The following EXOC6B variants were observed in gnomAD, a reference collection of about 807,000 sequenced individuals.
The protein encoded by EXOC6B is exocyst complex component 6B.
EXOC6B carries 54 observed loss-of-function variants against 113.5 expected under a neutral mutation model. The observed-to-expected ratio is 0.48, with a 90% confidence interval of 0.38 to 0.60. The LOEUF (loss-of-function observed/expected upper bound fraction) is 0.60. Ranked by LOEUF, EXOC6B falls within the 20% of genes least tolerant of loss-of-function variation. EXOC6B has a pLI of 0.00. For missense variants in EXOC6B, 797 were observed against 977.5 expected (o/e 0.82, Z 2.46); for synonymous variants, 357 against 339.0 (o/e 1.05, Z -0.58).
At position 72,248,525 on chromosome 2, in the gene EXOC6B, T is replaced by C. The variant is rs139384562; in HGVS notation, c.2197-64338A>G. On this transcript the variant is annotated intron_variant, in intron 20 of 21. Transcript: ENST00000272427. Reference sequence around the variant, plus strand: ...TGAAATTGATTCAGCTTCCTGAATATCCACAAAGTTTTCCACCAAGACATC... The same window carrying C: ...TGAAATTGATTCAGCTTCCTGAATACCCACAAAGTTTTCCACCAAGACATC... Among the ~76,000 whole-genome samples, 572 of 152,242 alleles carry C rather than the reference T, an allele frequency of 3.8e-3. 4 individuals carry two copies. Among genetic ancestry groups the C allele is most frequent in the African/African-American group, 0.013 (543 of 41,536 alleles).
chr2:72,483,302 A>G lies in EXOC6B; in HGVS notation c.1666-2552T>C, dbSNP rs191222688. ...TCAGAAAATTAAGAGAGTTAATCTGAGAACTGAAAAATTTCTATTTTAAAA... is the reference window on the plus strand; with the variant it reads ...TCAGAAAATTAAGAGAGTTAATCTGGGAACTGAAAAATTTCTATTTTAAAA... On this transcript the variant is annotated intron_variant, in intron 16 of 21. Transcript: ENST00000272427. Among the ~76,000 whole-genome samples the G allele has an allele frequency of 4.3e-4, 66 of 152,346 alleles. 1 individual carries two copies. The East Asian group carries it at 0.012, about 27-fold the overall frequency.
At chr2:72,319,417 A>G (rs564376901) in intron 20 of EXOC6B, among the ~76,000 whole-genome samples, 5 of 152,170 alleles carry the variant, frequency 3.3e-5, no homozygotes, top group Non-Finnish European at 7.4e-5. Flanking sequence ...ACCAAAAAAC[A>G]AAAGGTATCT....
chr2:72,353,738 G>T (rs1457946264), intron 19 of EXOC6B, among the ~76,000 whole-genome samples: 2 of 151,926 alleles, frequency 1.3e-5, no homozygotes, highest in African/African-American at 4.8e-5. Context: ...CAGTAAAAAG[G>T]CTTTGGAAAT....
intron 18 of EXOC6B, among the ~76,000 whole-genome samples, chr2:72,454,591 A>AATTCTAGATTCTAG (rs1251197590): frequency 2.0e-5 from 3 of 152,280 alleles, no homozygotes; most frequent in South Asian, 4.1e-4. Context: ...CAGTATGTTA[A>AATTCTAGATTCTAG]ATTCTAGATT....
At chr2:72,429,951 CTGTT>C (rs1695426458) in intron 18 of EXOC6B, among the ~76,000 whole-genome samples, 1 of 152,150 alleles carries the variant, frequency 6.6e-6, no homozygotes, top group Non-Finnish European at 1.5e-5. Context: ...GGAAATGACA[CTGTT>C]TGGGATGATA....
At chr2:72,762,242 C>CA (rs557776288) in intron 1 of EXOC6B, among the ~76,000 whole-genome samples, 7,486 of 60,574 alleles carry the variant, frequency 0.12, 236 homozygotes, top group Middle Eastern at 0.23. Flanking sequence ...GACTCCGTCT[C>CA]AAAAAAAAAA....
At chr2:72,763,859 T>C (rs957491184) in intron 1 of EXOC6B, among the ~76,000 whole-genome samples, 5 of 152,044 alleles carry the variant, frequency 3.3e-5, no homozygotes, top group African/African-American at 4.8e-5. Context: ...GGCAGGCAGA[T>C]TGCTTGAGCC....
chr2:72,436,540 A>G (rs1169898352), intron 18 of EXOC6B, among the ~76,000 whole-genome samples: 1 of 151,988 alleles, frequency 6.6e-6, no homozygotes, highest in Non-Finnish European at 1.5e-5. Context: ...TACATCAATC[A>G]ATCATAGATT....
rs201432418 is a variant in EXOC6B, at chr2:72,560,842, T to TA, written c.847-1322dup. Among the ~76,000 whole-genome samples, 344 of 139,558 alleles carry TA rather than the reference T, an allele frequency of 2.5e-3. 1 individual carries two copies. The East Asian group carries it at 0.04, about 16-fold the overall frequency. 91.6% of individuals were successfully genotyped at this position (139,558 alleles called of 152,430 possible). A position where few individuals can be genotyped will look rare whatever the true frequency, so the allele number is the denominator to read the frequency against. ...CCATGGTCCAAGAATAACTTTACTTTAAAAAAAAAAAAAAGTTTAAGAAGA... is the reference window on the plus strand; with the variant it reads ...CCATGGTCCAAGAATAACTTTACTTTAAAAAAAAAAAAAAAGTTTAAGAAGA... On this transcript the variant is annotated intron_variant, in intron 7 of 21. Transcript: ENST00000272427.
intron 6 of EXOC6B, among the ~76,000 whole-genome samples, chr2:72,681,377 T>A (rs1676692651): frequency 6.6e-6 from 1 of 152,216 alleles, no homozygotes; most frequent in African/African-American, 2.4e-5. Flanking sequence ...TATGGTATCA[T>A]ACTATAATCA....
At position 72,338,852 on chromosome 2, in the gene EXOC6B, A is replaced by G. The variant is rs963611514; in HGVS notation, c.2123-3832T>C. 1.2e-4 allele frequency among the ~76,000 whole-genome samples: 19 copies of G among 152,004 alleles called. No homozygotes were observed. In the South Asian group the frequency reaches 1.5e-3, roughly 12 times the overall value. ...TTTTTTTTCTTCTTTATATTTTATAAACTTTGAAAATAAATACAGACCACT... is the reference window on the plus strand; with the variant it reads ...TTTTTTTTCTTCTTTATATTTTATAGACTTTGAAAATAAATACAGACCACT... On this transcript the variant is annotated intron_variant, in intron 19 of 21. Coordinates refer to ENST00000272427, the MANE Select transcript of EXOC6B (RefSeq NM_015189.3).
intron 7 of EXOC6B, among the ~76,000 whole-genome samples, chr2:72,565,745 T>C (rs1704133716): frequency 6.6e-6 from 1 of 152,118 alleles, no homozygotes; most frequent in African/African-American, 2.4e-5. Flanking sequence ...CAAAGAGATA[T>C]GTTTCTTATC....
intron 6 of EXOC6B, among the ~76,000 whole-genome samples, chr2:72,715,781 T>C (rs531302454): frequency 6.6e-6 from 1 of 152,262 alleles, no homozygotes; most frequent in South Asian, 2.1e-4. Flanking sequence ...GCAGATAACT[T>C]GCAATTTTAG....
At position 72,813,318 on chromosome 2, in the gene EXOC6B, G is replaced by A. The variant is rs1686026227; in HGVS notation, c.113+12480C>T. On this transcript the variant is annotated intron_variant, in intron 1 of 21. Coordinates refer to ENST00000272427, the MANE Select transcript of EXOC6B (RefSeq NM_015189.3). The stretch of plus-strand genomic sequence containing the variant: ...TGCCTAGGCTGGTCTCAAACTCCTG[G>A]GCTCAAGTGATCCTCCTGCTCAGCC... 2.6e-5 allele frequency among the ~76,000 whole-genome samples: 4 copies of A among 152,104 alleles called. No individual in the cohort carries two copies. In the South Asian group the frequency reaches 8.3e-4, roughly 32 times the overall value.
chr2:72,822,371 C>G (rs953547914), intron 1 of EXOC6B, among the ~76,000 whole-genome samples: 1 of 152,148 alleles, frequency 6.6e-6, no homozygotes, highest in African/African-American at 2.4e-5. Context: ...AGGCAACACC[C>G]TCTTTATGTG....
At chr2:72,507,645 C>A (rs181904086) in intron 11 of EXOC6B, among the ~76,000 whole-genome samples, 3 of 152,042 alleles carry the variant, frequency 2.0e-5, no homozygotes, top group Non-Finnish European at 4.4e-5. Flanking sequence ...CCCTAAGCAA[C>A]CACTAGTCTA....
At chr2:72,544,433 C>A (rs550794755) in intron 8 of EXOC6B, among the ~76,000 whole-genome samples, 7 of 152,022 alleles carry the variant, frequency 4.6e-5, no homozygotes, top group African/African-American at 1.7e-4. Context: ...CTCATCAGGT[C>A]TCTTACAAAG....
At chr2:72,312,709 C>T (rs1033332476) in intron 20 of EXOC6B, among the ~76,000 whole-genome samples, 5 of 150,456 alleles carry the variant, frequency 3.3e-5, no homozygotes, top group Non-Finnish European at 7.4e-5. Flanking sequence ...GAGCTGCGAT[C>T]GCGCCATTGC....
intron 20 of EXOC6B, among the ~76,000 whole-genome samples, chr2:72,248,431 A>C (rs570725797): frequency 9.9e-5 from 15 of 152,236 alleles, no homozygotes; most frequent in Non-Finnish European, 1.9e-4. Flanking sequence ...CTTTAGCTTA[A>C]ATTTATCCCA....
Sources: gnomAD v4.1 joint callset for allele counts (sites outside exome capture counted in the v4.1 genomes callset) on GRCh38, gnomAD v4.1.1 for gene constraint, MANE v1.5 for transcripts, NCBI Gene and HGNC (gene_info 2026-07-23, HGNC 2026-07-21) for gene names.